Variants in ZNF609 observed in about 807,000 individuals in gnomAD.
ZNF609 encodes zinc finger protein 609.
In ZNF609, 11 loss-of-function variants were observed where a neutral mutation model predicts 109.5. The observed-to-expected ratio is 0.10, with a 90% CI of 0.06 to 0.17. ZNF609 has a LOEUF of 0.17. Among genes scored for constraint, ZNF609 ranks in the 10% least tolerant of loss-of-function variants. The probability of loss-of-function intolerance (pLI) is 1.00; values close to 1 mark genes in which losing one functional copy is unlikely to be tolerated. For missense variants in ZNF609, 1,559 were observed against 1,772.4 expected (o/e 0.88, Z 2.16); for synonymous variants, 646 against 662.0 (o/e 0.98, Z 0.37).
intron 3 of ZNF609, among the ~76,000 whole-genome samples, chr15:64,651,027 T>A (rs1338606191): frequency 6.6e-6 from 1 of 152,086 alleles, no homozygotes; most frequent in African/African-American, 2.4e-5. Flanking sequence ...TAGGAAGGAT[T>A]TTTTTAGTAA....
intron 2 of ZNF609, among the ~76,000 whole-genome samples, chr15:64,537,967 A>G (rs754396817): frequency 6.7e-4 from 102 of 151,500 alleles, no homozygotes; most frequent in Admixed American, 1.1e-3. Flanking sequence ...TTAGCCAGGC[A>G]TGGTGGCGCA....
intron 8 of ZNF609, 73 bp from the exon 9 acceptor site, chr15:64,681,236 C>T: frequency 6.9e-7 from 1 of 1,459,382 alleles, no homozygotes; most frequent in African/African-American, 1.4e-5. Flanking sequence ...TGTCAGCACC[C>T]CAAAACTCAG....
At chr15:64,519,339 G>C (rs1893859278) in intron 2 of ZNF609, among the ~76,000 whole-genome samples, 1 of 152,124 alleles carries the variant, frequency 6.6e-6, no homozygotes. Flanking sequence ...TGATGCCATA[G>C]AAGTGAGTGC....
At chr15:64,545,677 C>A (rs1449089878) in intron 2 of ZNF609, among the ~76,000 whole-genome samples, 3 of 152,152 alleles carry the variant, frequency 2.0e-5, no homozygotes, top group Non-Finnish European at 4.4e-5. Flanking sequence ...AGTTTTCTCT[C>A]CCTGCCCCCA....
intron 2 of ZNF609, among the ~76,000 whole-genome samples, chr15:64,541,623 G>A (rs1217278324): frequency 3.3e-5 from 5 of 151,114 alleles, no homozygotes; most frequent in Non-Finnish European, 7.4e-5. Context: ...GGCAGATCAC[G>A]AGGTCAGGAG....
chr15:64,575,665 G>T (rs1894939133), intron 2 of ZNF609, among the ~76,000 whole-genome samples: 2 of 152,056 alleles, frequency 1.3e-5, no homozygotes. Context: ...GGGATCCCAG[G>T]TAGTATTTGT....
intron 2 of ZNF609, among the ~76,000 whole-genome samples, chr15:64,516,966 C>T (rs904436774): frequency 3.3e-5 from 5 of 152,174 alleles, no homozygotes; most frequent in African/African-American, 1.2e-4. Context: ...TCAATTTCTT[C>T]TCTCCTTAAC....
At chr15:64,500,677 A>G in intron 2 of ZNF609, 3 of 491,650 alleles carry the variant, frequency 6.1e-6, no homozygotes, top group Non-Finnish European at 7.2e-6. Flanking sequence ...GAAGTGTTCT[A>G]TTGCCGGCTA....
chr15:64,680,783 C>T lies in ZNF609; in HGVS notation c.4083C>T (p.Arg1361=), dbSNP rs755819877. 4 of 1,613,632 alleles carry T rather than the reference C, an allele frequency of 2.5e-6. No homozygotes were observed. The highest frequency in any genetic ancestry group is 3.4e-6 in the Non-Finnish European group (4 of 1,179,988). ...VDRPRTSPSQ[R]LMSTHHHHHH... is the part of the protein sequence containing the mutation. Reference sequence around the variant, plus strand: ...GGCCCCGCACCTCTCCTTCCCAGCGCCTGATGTCCACACACCACCACCACC... The same window carrying T: ...GGCCCCGCACCTCTCCTTCCCAGCGTCTGATGTCCACACACCACCACCACC... Residue 1361 remains arginine, a synonymous_variant, in exon 8 of 10, where the codon CGC becomes CGT. Transcript: ENST00000326648.
rs376852749 is a variant in ZNF609, at chr15:64,631,227, T to G, written c.973+8175T>G. 7.7e-4 allele frequency: 491 copies of G among 635,746 alleles called. 4 individuals are homozygous for G. Among genetic ancestry groups the G allele is most frequent in the South Asian group, 6.9e-3 (479 of 69,020 alleles). 39.4% of individuals were successfully genotyped at this position (635,746 alleles called of 1,614,324 possible). ...CTTCAGGTGAACCCAGATGCCTTTC[T>G]CTTTGGCTTCTTTCTTTTTCTGATC... On this transcript the variant is annotated intron_variant, in intron 3 of 9. Transcript: ENST00000326648.
chr15:64,578,597 G>T (rs1393867568), intron 2 of ZNF609, among the ~76,000 whole-genome samples: 1 of 152,148 alleles, frequency 6.6e-6, no homozygotes, highest in Non-Finnish European at 1.5e-5. Flanking sequence ...GGAGGCTGAG[G>T]CAGGAGAATA....
At chr15:64,608,811 T>C (rs543689637) in intron 2 of ZNF609, among the ~76,000 whole-genome samples, 1 of 152,174 alleles carries the variant, frequency 6.6e-6, no homozygotes, top group Admixed American at 6.6e-5. Context: ...TGATCATGGC[T>C]TACTGCAGCC....
At chr15:64,553,287 C>G (rs1894516476) in intron 2 of ZNF609, among the ~76,000 whole-genome samples, 1 of 149,594 alleles carries the variant, frequency 6.7e-6, no homozygotes, top group Non-Finnish European at 1.5e-5. Context: ...AAAAAAAAGC[C>G]TACTGGGACT....
intron 2 of ZNF609, among the ~76,000 whole-genome samples, chr15:64,507,346 A>C (rs1893652002): frequency 6.6e-6 from 1 of 152,114 alleles, no homozygotes; most frequent in South Asian, 2.1e-4. Flanking sequence ...TCATCCAGGG[A>C]GGCAGCAGGG....
intron 5 of ZNF609, 26 bp downstream of exon 5, chr15:64,676,282 G>A: frequency 1.3e-6 from 2 of 1,571,026 alleles, no homozygotes; most frequent in South Asian, 2.4e-5. Flanking sequence ...GGAGGAAGTG[G>A]AAATACCGTA....
intron 2 of ZNF609, among the ~76,000 whole-genome samples, chr15:64,616,620 C>T (rs1276614683): frequency 1.4e-5 from 2 of 145,146 alleles, no homozygotes; most frequent in African/African-American, 2.6e-5. Context: ...CCCAGGTTCA[C>T]GCCATTCTCC....
intron 2 of ZNF609, among the ~76,000 whole-genome samples, chr15:64,574,704 G>C (rs992401317): frequency 2.6e-5 from 4 of 152,100 alleles, no homozygotes; most frequent in African/African-American, 9.7e-5. Flanking sequence ...GATTGCTCAA[G>C]TCCCTTTTCT....
At chr15:64,527,660 C>G (rs974303285) in intron 2 of ZNF609, among the ~76,000 whole-genome samples, 3 of 152,170 alleles carry the variant, frequency 2.0e-5, no homozygotes, top group African/African-American at 7.2e-5. Context: ...AAGTCCACCT[C>G]TCTCCATTCC....
At chr15:64,466,693 G>C (rs1036326173) in intron 1 of ZNF609, among the ~76,000 whole-genome samples, 1 of 152,218 alleles carries the variant, frequency 6.6e-6, no homozygotes, top group Non-Finnish European at 1.5e-5. Context: ...TCAAGTTCTT[G>C]ATTTCCTCAT....
Sources: allele counts gnomAD v4.1 joint callset (sites outside exome capture counted in the v4.1 genomes callset), GRCh38; gene constraint gnomAD v4.1.1; transcripts MANE v1.5; gene names NCBI Gene and HGNC (gene_info 2026-07-23, HGNC 2026-07-21).